Variants in DPP10 observed in about 807,000 individuals in gnomAD.
DPP10 encodes the protein inactive dipeptidyl peptidase 10.
A neutral mutation model predicts 120.9 loss-of-function variants in DPP10; 33 were observed. The observed-to-expected ratio is 0.27, with a 90% confidence interval of 0.21 to 0.37. The LOEUF (loss-of-function observed/expected upper bound fraction) is 0.37, where lower values mean the gene tolerates loss of function less well. Ranked by LOEUF, DPP10 falls within the 10% of genes least tolerant of loss-of-function variation. The pLI is 1.00. For synonymous variants in DPP10, 337 were observed against 326.1 expected, an observed-to-expected ratio of 1.03 and a Z score of -0.36; for missense variants, 816 against 942.8, an observed-to-expected ratio of 0.87 and a Z score of 1.76.
chr2:115,349,375 GACAT>G (rs2063876442), intron 3 of DPP10, among the ~76,000 whole-genome samples: 1 of 152,024 alleles, frequency 6.6e-6, no homozygotes. Flanking sequence ...TCAGAGTGAG[GACAT>G]TAGTGCCATA....
intron 21 of DPP10, among the ~76,000 whole-genome samples, chr2:115,824,726 G>A (rs1688145695): frequency 6.6e-6 from 1 of 152,038 alleles, no homozygotes; most frequent in African/African-American, 2.4e-5. Context: ...TATCATTGAT[G>A]GGCATTTGGG....
At chr2:114,609,092 A>G (rs974966261) in intron 1 of DPP10, among the ~76,000 whole-genome samples, 1 of 152,304 alleles carries the variant, frequency 6.6e-6, no homozygotes, top group Non-Finnish European at 1.5e-5. Flanking sequence ...TAGAGCTTGG[A>G]AGGTTTGATG....
At chr2:115,397,848 A>T (rs2067789440) in intron 3 of DPP10, among the ~76,000 whole-genome samples, 1 of 152,134 alleles carries the variant, frequency 6.6e-6, no homozygotes. Flanking sequence ...TGCTGCCACA[A>T]GTATGTCCCG....
At chr2:115,411,704 T>A (rs1230455342) in intron 3 of DPP10, among the ~76,000 whole-genome samples, 1 of 152,200 alleles carries the variant, frequency 6.6e-6, no homozygotes, top group Non-Finnish European at 1.5e-5. Context: ...AGCTGAACAA[T>A]TTGCTCTTTA....
chr2:114,964,837 C>T (rs1183899015), intron 1 of DPP10, among the ~76,000 whole-genome samples: 1 of 152,064 alleles, frequency 6.6e-6, no homozygotes, highest in Non-Finnish European at 1.5e-5. Context: ...CAGAAGAGAA[C>T]CGATGGTTAA....
At chr2:115,138,583 A>G (rs1352305915) in intron 1 of DPP10, among the ~76,000 whole-genome samples, 1 of 152,224 alleles carries the variant, frequency 6.6e-6, no homozygotes, top group African/African-American at 2.4e-5. Flanking sequence ...CATGGATATA[A>G]TTACTCATAA....
At chr2:115,018,204 A>G (rs1430719984) in intron 1 of DPP10, among the ~76,000 whole-genome samples, 1 of 152,180 alleles carries the variant, frequency 6.6e-6, no homozygotes, top group African/African-American at 2.4e-5. Context: ...AAAGTTAGGG[A>G]ACAACAGATG....
intron 1 of DPP10, among the ~76,000 whole-genome samples, chr2:115,164,044 C>T (rs2052643110): frequency 6.6e-6 from 1 of 152,086 alleles, no homozygotes; most frequent in Admixed American, 6.5e-5. Context: ...CTTTGCAGAA[C>T]TCTTGTTTTA....
chr2:114,462,394 C>A (rs556460098), intron 1 of DPP10, among the ~76,000 whole-genome samples: 3 of 152,276 alleles, frequency 2.0e-5, no homozygotes, highest in Admixed American at 6.5e-5. Flanking sequence ...GACATTTAGT[C>A]ATTATTTCTC....
intron 4 of DPP10, among the ~76,000 whole-genome samples, chr2:115,522,419 G>C (rs549024295): frequency 2.0e-5 from 3 of 152,146 alleles, no homozygotes; most frequent in Non-Finnish European, 4.4e-5. Flanking sequence ...GTGTCTGCCT[G>C]GGGGCTTGTT....
At chr2:114,737,356 C>T (rs1677546937) in intron 1 of DPP10, among the ~76,000 whole-genome samples, 1 of 152,228 alleles carries the variant, frequency 6.6e-6, no homozygotes, top group East Asian at 1.9e-4. Flanking sequence ...TCAGTCTGGT[C>T]CCAGAAGACA....
At chr2:114,604,355 T>G (rs1340306005) in intron 1 of DPP10, among the ~76,000 whole-genome samples, 1 of 152,088 alleles carries the variant, frequency 6.6e-6, no homozygotes, top group East Asian at 1.9e-4. Context: ...TCAGTTTATA[T>G]TAACTCATAT....
At chr2:114,927,499 G>A (rs566409383) in intron 1 of DPP10, among the ~76,000 whole-genome samples, 1 of 152,214 alleles carries the variant, frequency 6.6e-6, no homozygotes, top group South Asian at 2.1e-4. Flanking sequence ...CACCCTGAGG[G>A]ACTTCTATGT....
intron 1 of DPP10, among the ~76,000 whole-genome samples, chr2:114,975,530 C>G (rs115711961): frequency 6.6e-6 from 1 of 152,164 alleles, no homozygotes; most frequent in Non-Finnish European, 1.5e-5. Context: ...CATCAAATAA[C>G]TAGTGAATGG....
intron 3 of DPP10, among the ~76,000 whole-genome samples, chr2:115,374,021 C>A (rs2065606095): frequency 1.3e-5 from 2 of 152,030 alleles, no homozygotes; most frequent in South Asian, 4.1e-4. Context: ...TCCCACCAGG[C>A]CTCTCTTGCA....
intron 4 of DPP10, among the ~76,000 whole-genome samples, chr2:115,504,718 A>G (rs2076856359): frequency 6.6e-6 from 1 of 152,120 alleles, no homozygotes. Context: ...GGAAGGAAAC[A>G]TTGAATCTAC....
chr2:115,635,782 G>A (rs1306666314), intron 5 of DPP10, among the ~76,000 whole-genome samples: 1 of 152,072 alleles, frequency 6.6e-6, no homozygotes, highest in African/African-American at 2.4e-5. Context: ...TAGTTCTTAG[G>A]CTTTATATCA....
chr2:115,806,510 A>G (rs1685989383), intron 19 of DPP10, among the ~76,000 whole-genome samples: 1 of 152,172 alleles, frequency 6.6e-6, no homozygotes, highest in African/African-American at 2.4e-5. Flanking sequence ...GATTTTTAGA[A>G]TGCAGGTAAA....
At chr2:114,806,639 G>C (rs774427162) in intron 1 of DPP10, among the ~76,000 whole-genome samples, 13 of 152,144 alleles carry the variant, frequency 8.5e-5, no homozygotes, top group South Asian at 2.1e-4. Context: ...ATCTGAGCAA[G>C]TTATCACCAG....
Sources: gnomAD v4.1 joint callset for allele counts (sites outside exome capture counted in the v4.1 genomes callset) on GRCh38, gnomAD v4.1.1 for gene constraint, MANE v1.5 for transcripts, NCBI Gene and HGNC (gene_info 2026-07-23, HGNC 2026-07-21) for gene names.